The following LRRC72 variants were observed in gnomAD, a reference collection of about 807,000 sequenced individuals.
LRRC72 encodes the protein leucine rich repeat containing 72.
A neutral mutation model predicts 35.8 loss-of-function variants in LRRC72; 41 were observed. The ratio of observed to expected loss-of-function variants is 1.15; its 90% CI spans 0.89 to 1.49. LRRC72 has a LOEUF of 1.49. LRRC72 is among the 40% of genes most tolerant of loss of function. The pLI, the probability that LRRC72 is intolerant of heterozygous loss-of-function variation, is 0.00. For synonymous variants in LRRC72, 118 were observed against 119.2 expected (o/e 0.99, Z 0.07); for missense variants, 389 against 330.7 (o/e 1.18, Z -1.37).
chr7:16,550,746 T>G (rs145113215), intron 3 of LRRC72, among the ~76,000 whole-genome samples: 156 of 152,312 alleles, frequency 1.0e-3, no homozygotes, highest in Non-Finnish European at 1.2e-3. Context: ...TTTAATTCTT[T>G]CTCTTTCCTG....
At chr7:16,562,008 C>G (rs973466504) in intron 5 of LRRC72, among the ~76,000 whole-genome samples, 1 of 152,148 alleles carries the variant, frequency 6.6e-6, no homozygotes, top group Non-Finnish European at 1.5e-5. Context: ...AGAAAATAGC[C>G]TGAAGGGCAA....
chr7:16,561,005 T>G (rs1419599337), intron 5 of LRRC72, among the ~76,000 whole-genome samples: 1 of 152,222 alleles, frequency 6.6e-6, no homozygotes, highest in Non-Finnish European at 1.5e-5. Flanking sequence ...CTCAGAGATT[T>G]AACCAAACTC....
At position 16,537,700 on chromosome 7, in the gene LRRC72, G is replaced by C. The variant is rs1487189178; in HGVS notation, c.234+4G>C. On this transcript the variant is annotated splice_donor_region_variant and intron_variant, in intron 3 of 8. Transcript: ENST00000401542. Reference sequence around the variant, plus strand: ...CTTATGGCTTCATCATAACAAGGTAGTGTTTTATTTTATCTTTCAATTACT... The same window carrying C: ...CTTATGGCTTCATCATAACAAGGTACTGTTTTATTTTATCTTTCAATTACT... 4 of 1,415,470 alleles carry C rather than the reference G, an allele frequency of 2.8e-6. No individual in the cohort carries two copies. The highest frequency in any genetic ancestry group is 1.5e-5 in the African/African-American group (1 of 68,786). 87.7% of individuals were successfully genotyped at this position (1,415,470 alleles called of 1,614,324 possible).
intron 3 of LRRC72, among the ~76,000 whole-genome samples, chr7:16,538,665 G>C (rs761719481): frequency 4.6e-5 from 7 of 152,204 alleles, no homozygotes; most frequent in Non-Finnish European, 7.3e-5. Context: ...ATCTCAAATT[G>C]TAATTTCCAC....
At chr7:16,532,913 A>G in intron 2 of LRRC72, 1 of 320,412 alleles carries the variant, frequency 3.1e-6, no homozygotes, top group Non-Finnish European at 6.0e-6. Flanking sequence ...AGAAACAACG[A>G]ATATAATTTT....
At chr7:16,567,573 ATTTAATGAAATT>A in intron 7 of LRRC72, 30 bp downstream of exon 7, 4 of 1,382,038 alleles carry the variant, frequency 2.9e-6, no homozygotes, top group Non-Finnish European at 3.8e-6. Context: ...AAAAAAACAA[ATTTAATGAAATT>A]AAAACTCCTC....
intron 3 of LRRC72, among the ~76,000 whole-genome samples, chr7:16,541,158 CCAGA>C (rs1782350148): frequency 6.6e-6 from 1 of 152,172 alleles, no homozygotes; most frequent in African/African-American, 2.4e-5. Flanking sequence ...AAATTCAAAC[CCAGA>C]CAATCACTAC....
intron 7 of LRRC72, among the ~76,000 whole-genome samples, chr7:16,568,506 G>A (rs1287541634): frequency 6.6e-6 from 1 of 152,162 alleles, no homozygotes; most frequent in Non-Finnish European, 1.5e-5. Context: ...ATTAGAAAGA[G>A]AAGGTCCAAT....
chr7:16,573,410 A>G (rs1419746073), intron 7 of LRRC72, among the ~76,000 whole-genome samples: 2 of 152,218 alleles, frequency 1.3e-5, no homozygotes, highest in Admixed American at 6.5e-5. Context: ...ACTATACAAC[A>G]TGCCTACAGT....
Position 16,581,319 on chromosome 7 carries a change from T to G in LRRC72, c.699-5T>G. ...TTTTCTGACATAATTGCTTTTTTTT[T>G]GCAGAACTGTGCTTGATGACCCAGA... On this transcript the variant is annotated splice_polypyrimidine_tract_variant and splice_region_variant and intron_variant, in intron 8 of 8. Coordinates refer to ENST00000401542, the MANE Select transcript of LRRC72 (RefSeq NM_001195280.2). The G allele has an allele frequency of 6.9e-7, 1 of 1,446,078 alleles. No individual in the cohort carries two copies. Among genetic ancestry groups the G allele is most frequent in the South Asian group, 1.5e-5 (1 of 66,084 alleles). The allele number at this position is 1,446,078 out of a possible 1,614,324, so 89.6% of individuals were successfully genotyped here.
At chr7:16,563,880 T>C (rs1470170476) in intron 5 of LRRC72, among the ~76,000 whole-genome samples, 1 of 152,214 alleles carries the variant, frequency 6.6e-6, no homozygotes, top group Non-Finnish European at 1.5e-5. Flanking sequence ...TAGGATGAGA[T>C]GAATGGTCAA....
intron 7 of LRRC72, 128 bp downstream of exon 7, chr7:16,567,671 A>G: frequency 1.2e-6 from 1 of 827,354 alleles, no homozygotes; most frequent in African/African-American, 1.7e-5. Flanking sequence ...TAATGGAATA[A>G]TTTCTAATAT....
rs182613846 is a variant in LRRC72 at position 16,562,630 on chromosome 7, C to T, written c.427+3631C>T. 2.6e-5 allele frequency among the ~76,000 whole-genome samples: 4 copies of T among 152,296 alleles called. No individual in the cohort carries two copies. The East Asian group carries it at 5.8e-4, about 22-fold the overall frequency. ...GCCTTTAAACACTTCCTGCCGTTGT[C>T]TTCAGCAGTGGCCCCAATCCACTGC... On this transcript the variant is annotated intron_variant, in intron 5 of 8. Coordinates refer to ENST00000401542, the MANE Select transcript of LRRC72 (RefSeq NM_001195280.2).
rs1167246380 is a variant in LRRC72 at position 16,540,700 on chromosome 7, A to T, written c.234+3004A>T. Among the ~76,000 whole-genome samples, 2 of 152,076 alleles carry T rather than the reference A, an allele frequency of 1.3e-5. 1 individual carries two copies. Among genetic ancestry groups the T allele is most frequent in the Admixed American group, 1.3e-4 (2 of 15,282 alleles). ...CCTCATGCTGTTCTCATGATAGTGA[A>T]TGAGTTCTCATGAGATCTGATGGTT... On this transcript the variant is annotated intron_variant, in intron 3 of 8. Coordinates refer to ENST00000401542, the MANE Select transcript of LRRC72 (RefSeq NM_001195280.2).
intron 7 of LRRC72, among the ~76,000 whole-genome samples, chr7:16,575,650 G>A (rs566148934): frequency 1.3e-5 from 2 of 152,304 alleles, no homozygotes; most frequent in African/African-American, 4.8e-5. Context: ...CATACCAAGT[G>A]TACAATAAGT....
chr7:16,530,419 AG>A (rs1473560339), intron 1 of LRRC72: 2 of 152,200 alleles, frequency 1.3e-5, no homozygotes, highest in Admixed American at 6.5e-5. Flanking sequence ...CCTGTTGGCG[AG>A]GGTGATCTTG....
intron 3 of LRRC72, among the ~76,000 whole-genome samples, chr7:16,553,722 T>C (rs186978533): frequency 8.9e-4 from 135 of 152,258 alleles, no homozygotes; most frequent in South Asian, 1.9e-3. Context: ...CAACGAATAA[T>C]TATTTGGTCC....
intron 2 of LRRC72, among the ~76,000 whole-genome samples, chr7:16,534,378 G>A (rs954286227): frequency 6.6e-6 from 1 of 152,136 alleles, no homozygotes; most frequent in Admixed American, 6.6e-5. Flanking sequence ...TGACGTGAAA[G>A]AGTTAAAGTA....
rs1782078991 is a variant in LRRC72 at position 16,526,967 on chromosome 7, G to A, written c.15G>A (p.Pro5=). ...CATGTGTCCTGATGTCCTGGGACCC[G>A]AACCCCGTGCCCCGTACCTTGCGAT... MSWD[P]NPVPRTLRCW... The change falls in exon 1 of 9, where the codon CCG becomes CCA. Residue 5 remains proline, a synonymous_variant. Coordinates refer to ENST00000401542, the MANE Select transcript of LRRC72 (RefSeq NM_001195280.2). The A allele has an allele frequency of 1.3e-6, 2 of 1,539,850 alleles. No individual in the cohort carries two copies. Among genetic ancestry groups the A allele is most frequent in the African/African-American group, 1.4e-5 (1 of 73,170 alleles).
Sources: allele counts gnomAD v4.1 joint callset (sites outside exome capture counted in the v4.1 genomes callset), GRCh38; gene constraint gnomAD v4.1.1; transcripts MANE v1.5; gene names NCBI Gene and HGNC (gene_info 2026-07-23, HGNC 2026-07-21).